TEX29: variants seen among roughly 807,000 people sequenced by gnomAD.
TEX29 encodes testis-expressed protein 29.
In TEX29, 26 loss-of-function variants were observed where a neutral mutation model predicts 18.2. That is an observed-to-expected ratio of 1.43 (90% CI 1.04 to 1.98). The LOEUF is 1.98. TEX29 is among the 30% of genes most tolerant of loss of function. TEX29 has a pLI of 0.00. For missense variants in TEX29, 177 were observed against 194.2 expected (o/e 0.91, Z 0.53); for synonymous variants, 83 against 78.5 (o/e 1.06, Z -0.31).
At chr13:111,324,580 T>C (rs1362974875) in intron 2 of TEX29, among the ~76,000 whole-genome samples, 1 of 152,084 alleles carries the variant, frequency 6.6e-6, no homozygotes, top group African/African-American at 2.4e-5. Flanking sequence ...GCTTGACTCC[T>C]CCCCTAGGAA....
chr13:111,339,970 A>C (rs750208747), intron 4 of TEX29, 38 bp downstream of exon 4: 3 of 1,311,896 alleles, frequency 2.3e-6, no homozygotes, highest in Non-Finnish European at 3.2e-6. Flanking sequence ...GGTGGGGAGG[A>C]GGGGACTCAC....
intron 3 of TEX29, chr13:111,339,573 C>T (rs2093694368): frequency 1.9e-6 from 1 of 530,476 alleles, no homozygotes; most frequent in Admixed American, 3.1e-5. Context: ...AGTGCCGTCT[C>T]TCCATGCACT....
At chr13:111,339,791 T>C in intron 3 of TEX29, 72 bp from the exon 4 acceptor site, 6 of 1,529,018 alleles carry the variant, frequency 3.9e-6, no homozygotes, top group Non-Finnish European at 5.4e-6. Context: ...TCTGGGAGGG[T>C]TGCCTTTTCT....
upstream of TEX29, chr13:111,316,220 A>G (rs2093654543): frequency 2.0e-6 from 1 of 506,346 alleles, no homozygotes; most frequent in Non-Finnish European, 3.9e-6. Context: ...GATGCCAGCC[A>G]TCTGTCAAGG....
chr13:111,316,614 G>T (rs1309581475), upstream of TEX29, among the ~76,000 whole-genome samples: 1 of 152,236 alleles, frequency 6.6e-6, no homozygotes, highest in Non-Finnish European at 1.5e-5. Flanking sequence ...GTCCACAGTG[G>T]CTGAGAACAG....
chr13:111,327,166 G>A (rs1003725086), intron 2 of TEX29, among the ~76,000 whole-genome samples: 8 of 152,234 alleles, frequency 5.3e-5, no homozygotes, highest in Non-Finnish European at 1.2e-4. Context: ...AGCCTGCCCT[G>A]TGCACTCTGC....
rs141305089 is a variant in TEX29, at chr13:111,326,745, C to T, written c.59-1438C>T. Among the ~76,000 whole-genome samples, 369 of 151,452 alleles carry T rather than the reference C, an allele frequency of 2.4e-3. 4 individuals are homozygous for T. Among genetic ancestry groups the T allele is most frequent in the African/African-American group, 8.0e-3 (329 of 41,222 alleles). ...GAGACTGCGGGCAGTGCGATCCTGG[C>T]GCTGGCGGGTGTTTGCTGTGCAGCT... On this transcript the variant is annotated intron_variant, in intron 2 of 5. Coordinates refer to ENST00000283547, the MANE Select transcript of TEX29 (RefSeq NM_152324.3).
chr13:111,328,779 C>T (rs1313966006), intron 3 of TEX29, among the ~76,000 whole-genome samples: 2 of 152,278 alleles, frequency 1.3e-5, no homozygotes, highest in East Asian at 1.9e-4. Flanking sequence ...GACTAGAAGC[C>T]AGACCAGACG....
intron 2 of TEX29, among the ~76,000 whole-genome samples, chr13:111,326,920 C>T (rs1370574966): frequency 6.6e-6 from 1 of 152,200 alleles, no homozygotes; most frequent in Non-Finnish European, 1.5e-5. Flanking sequence ...CTCCTAGTCA[C>T]CCACTGTAGA....
At chr13:111,330,551 C>T (rs72653601) in intron 3 of TEX29, among the ~76,000 whole-genome samples, 4,695 of 152,230 alleles carry the variant, frequency 0.031, 124 homozygotes, top group African/African-American at 0.069. Flanking sequence ...CAGATAAAAT[C>T]GGTTGGAAAT....
At chr13:111,318,998 CT>C, upstream of TEX29, among the ~76,000 whole-genome samples, 1 of 152,346 alleles carries the variant, frequency 6.6e-6, no homozygotes, top group Non-Finnish European at 1.5e-5. Context: ...CGCCTTCTCA[CT>C]GGGTCCTCAT....
intron 3 of TEX29, among the ~76,000 whole-genome samples, chr13:111,329,177 G>T (rs551443113): frequency 6.6e-6 from 1 of 152,100 alleles, no homozygotes; most frequent in Non-Finnish European, 1.5e-5. Flanking sequence ...TTTGTGCTGC[G>T]TGGGGAGGGG....
In TEX29 at chr13:111,320,689, A is replaced by T. The variant is rs1595682450; in HGVS notation, c.-108A>T. 3.1e-6 allele frequency: 2 copies of T among 641,916 alleles called. No individual in the cohort carries two copies. The highest frequency in any genetic ancestry group is 5.4e-5 in the East Asian group (2 of 37,044). 39.8% of individuals were successfully genotyped at this position (641,916 alleles called of 1,614,324 possible). A position where few individuals can be genotyped will look rare whatever the true frequency, so the allele number is the denominator to read the frequency against. On this transcript the variant is annotated 5_prime_UTR_variant, in exon 1 of 6. Transcript: ENST00000283547. ...GTGGCCAGTTTGTTGTTTTACCTAA[A>T]AGGTGTTTTCCACGTGGAGTGGGAC...
chr13:111,321,059 C>G, intron 2 of TEX29, 111 bp downstream of exon 2: 1 of 1,267,626 alleles, frequency 7.9e-7, no homozygotes, highest in Non-Finnish European at 1.1e-6. Context: ...TGGTCCCAGA[C>G]CTGGCTAGGA....
chr13:111,332,324 G>T (rs562280504), intron 3 of TEX29, among the ~76,000 whole-genome samples: 3 of 151,478 alleles, frequency 2.0e-5, no homozygotes, highest in Non-Finnish European at 4.4e-5. Context: ...GAATTGTTTT[G>T]TTCATTTTCA....
chr13:111,336,892 C>T (rs1239583746), intron 3 of TEX29, among the ~76,000 whole-genome samples: 1 of 152,156 alleles, frequency 6.6e-6, no homozygotes, highest in African/African-American at 2.4e-5. Flanking sequence ...AACGTGAGCA[C>T]GTAGGAAGAT....
In TEX29 at chr13:111,342,804, G is replaced by A. The variant is rs1272861942; in HGVS notation, c.288G>A (p.Ala96=). Reference sequence around the variant, plus strand: ...AAAAGGCCATCCCTGTGGATGTCGCGCTGCCACAGAAGTCCAGCGAAAAGG... The same window carrying A: ...AAAAGGCCATCCCTGTGGATGTCGCACTGCCACAGAAGTCCAGCGAAAAGG... ...RKEKAIPVDV[A]LPQKSSEKAE... is the part of the protein sequence containing the mutation. Residue 96 remains alanine (A), a synonymous_variant, in exon 5 of 6, where the codon GCG becomes GCA. Coordinates refer to ENST00000283547, the MANE Select transcript of TEX29 (RefSeq NM_152324.3). The A allele has an allele frequency of 5.6e-6, 9 of 1,613,930 alleles. No homozygotes were observed. Among genetic ancestry groups the A allele is most frequent in the East Asian group, 2.2e-5 (1 of 44,874 alleles).
In TEX29 at chr13:111,342,749, C is replaced by G. The variant is rs774951627; in HGVS notation, c.240-7C>G. 1.1e-5 allele frequency: 18 copies of G among 1,612,578 alleles called. No individual in the cohort carries two copies. In the Admixed American group the frequency reaches 2.0e-4, roughly 18 times the overall value. ...CCCTGACTGTGATAAAACCCTCTTC[C>G]CATCAGAGTCATTCAGGAGAGCAGG... is the stretch of plus-strand genomic sequence containing the variant. On this transcript the variant is annotated splice_region_variant and splice_polypyrimidine_tract_variant and intron_variant, in intron 4 of 5. Transcript: ENST00000283547.
intron 2 of TEX29, among the ~76,000 whole-genome samples, chr13:111,323,445 A>C (rs1205757367): frequency 6.6e-6 from 1 of 152,194 alleles, no homozygotes; most frequent in Non-Finnish European, 1.5e-5. Flanking sequence ...CCTAAAGATT[A>C]ATGTCAATTC....
Sources: gnomAD v4.1 joint callset for allele counts (sites outside exome capture counted in the v4.1 genomes callset) on GRCh38, gnomAD v4.1.1 for gene constraint, MANE v1.5 for transcripts, NCBI Gene and HGNC (gene_info 2026-07-23, HGNC 2026-07-21) for gene names.